Variants in GABBR2 observed in about 807,000 individuals in gnomAD.
GABBR2 encodes gamma-aminobutyric acid type B receptor subunit 2, also known as G-protein coupled receptor 51.
Under a neutral mutation model 105.6 loss-of-function variants are expected in GABBR2, and 23 were observed. That is an observed-to-expected ratio of 0.22 (90% CI 0.16 to 0.31). The LOEUF (loss-of-function observed/expected upper bound fraction) is 0.31, where lower values mean the gene tolerates loss of function less well. Ranked by LOEUF, GABBR2 falls within the 10% of genes least tolerant of loss-of-function variation. GABBR2 has a pLI of 1.00. For synonymous variants in GABBR2, 478 were observed against 499.7 expected, an observed-to-expected ratio of 0.96 and a Z score of 0.58; for missense variants, 734 against 1,245.5, an observed-to-expected ratio of 0.59 and a Z score of 6.18.
chr9:98,702,693 T>C (rs1006031544), intron 1 of GABBR2, among the ~76,000 whole-genome samples: 7 of 152,216 alleles, frequency 4.6e-5, no homozygotes, highest in Admixed American at 3.3e-4. Flanking sequence ...CAATGTCCAT[T>C]TCCCAGAGCC....
intron 1 of GABBR2, among the ~76,000 whole-genome samples, chr9:98,605,626 C>T (rs966628412): frequency 6.6e-6 from 1 of 152,120 alleles, no homozygotes; most frequent in African/African-American, 2.4e-5. Flanking sequence ...TCTAGGATAC[C>T]CTGCACATTC....
intron 12 of GABBR2, among the ~76,000 whole-genome samples, chr9:98,365,215 G>A (rs778600742): frequency 6.6e-6 from 1 of 152,202 alleles, no homozygotes; most frequent in Non-Finnish European, 1.5e-5. Flanking sequence ...TTTAAAGTGT[G>A]GTCAGTGATC....
intron 8 of GABBR2, among the ~76,000 whole-genome samples, chr9:98,394,705 C>T (rs1167597570): frequency 6.6e-6 from 1 of 152,212 alleles, no homozygotes; most frequent in Non-Finnish European, 1.5e-5. Flanking sequence ...CCCCCCAACT[C>T]CTCTTTACAG....
chr9:98,591,601 C>T (rs929850557), intron 1 of GABBR2, among the ~76,000 whole-genome samples: 1 of 152,152 alleles, frequency 6.6e-6, no homozygotes. Flanking sequence ...TGGCAAGCAA[C>T]TTGGCCTAGC....
At chr9:98,442,544 C>T (rs1435897539) in intron 7 of GABBR2, among the ~76,000 whole-genome samples, 13 of 152,334 alleles carry the variant, frequency 8.5e-5, no homozygotes, top group African/African-American at 3.1e-4. Context: ...GGTTAAATTA[C>T]TTAATCCTCT....
intron 1 of GABBR2, among the ~76,000 whole-genome samples, chr9:98,702,156 C>T (rs1039255881): frequency 1.3e-5 from 2 of 152,084 alleles, no homozygotes; most frequent in African/African-American, 4.8e-5. Flanking sequence ...GGTCTCCTGA[C>T]CCTAGGGCCA....
chr9:98,361,632 G>A (rs625500), intron 13 of GABBR2, among the ~76,000 whole-genome samples: 40,359 of 152,046 alleles, frequency 0.27, 5,718 homozygotes, highest in African/African-American at 0.35. Context: ...CTGTCTGCTC[G>A]AGTGGACTCA....
chr9:98,692,681 G>A (rs1305417738), intron 1 of GABBR2, among the ~76,000 whole-genome samples: 3 of 152,188 alleles, frequency 2.0e-5, no homozygotes, highest in South Asian at 2.1e-4. Flanking sequence ...ACTTAGACTC[G>A]CTGCCTCACA....
chr9:98,319,881 T>C (rs1830788660), intron 13 of GABBR2, among the ~76,000 whole-genome samples: 1 of 152,108 alleles, frequency 6.6e-6, no homozygotes, highest in Non-Finnish European at 1.5e-5. Context: ...AATTCAGTAA[T>C]CTTACTAGGC....
chr9:98,342,599 C>T (rs1171137313), intron 13 of GABBR2, among the ~76,000 whole-genome samples: 1 of 152,198 alleles, frequency 6.6e-6, no homozygotes, highest in African/African-American at 2.4e-5. Context: ...TTCCACTGCC[C>T]TGCCTGGACC....
intron 1 of GABBR2, among the ~76,000 whole-genome samples, chr9:98,637,506 T>C (rs1236106778): frequency 6.6e-6 from 1 of 152,184 alleles, no homozygotes; most frequent in African/African-American, 2.4e-5. Flanking sequence ...AAATTAAGGT[T>C]GCTAATCAGC....
chr9:98,444,240 A>C (rs1407946497), intron 7 of GABBR2, among the ~76,000 whole-genome samples: 1 of 152,220 alleles, frequency 6.6e-6, no homozygotes, highest in Non-Finnish European at 1.5e-5. Flanking sequence ...ACAATAAATA[A>C]GTAAAATATG....
chr9:98,564,693 TCA>T (rs1046979914), intron 2 of GABBR2, among the ~76,000 whole-genome samples: 1 of 152,216 alleles, frequency 6.6e-6, no homozygotes, highest in African/African-American at 2.4e-5. Context: ...GTGTGTCCAG[TCA>T]CAATTCCTGA....
At chr9:98,608,082 C>T (rs1180146989) in intron 1 of GABBR2, 11 of 1,308,002 alleles carry the variant, frequency 8.4e-6, no homozygotes, top group South Asian at 7.5e-5. Context: ...TTTAGAACAA[C>T]GAACTCTTCG....
chr9:98,444,908 A>G (rs1393107381), intron 7 of GABBR2, among the ~76,000 whole-genome samples: 2 of 150,812 alleles, frequency 1.3e-5, no homozygotes, highest in African/African-American at 4.8e-5. Flanking sequence ...CACGCACGTG[A>G]CCTTGTGTGA....
intron 10 of GABBR2, among the ~76,000 whole-genome samples, chr9:98,387,944 G>A (rs1832104782): frequency 1.3e-5 from 2 of 152,154 alleles, no homozygotes; most frequent in Admixed American, 1.3e-4. Flanking sequence ...GACAGCCCAC[G>A]AGTTCATGCA....
At chr9:98,527,079 TTAATAATATATAA>T (rs1827976115) in intron 3 of GABBR2, among the ~76,000 whole-genome samples, 1 of 148,164 alleles carries the variant, frequency 6.7e-6, no homozygotes, top group Non-Finnish European at 1.5e-5. Flanking sequence ...TATTCATATG[TTAATAATATATAA>T]TAATAATATA....
intron 2 of GABBR2, among the ~76,000 whole-genome samples, chr9:98,562,973 G>C (rs1024165815): frequency 6.6e-6 from 1 of 150,420 alleles, no homozygotes. Context: ...GGGGGGCTGA[G>C]GGGGGAGGAT....
At chr9:98,384,241 G>A (rs751115802) in intron 11 of GABBR2, among the ~76,000 whole-genome samples, 2 of 152,108 alleles carry the variant, frequency 1.3e-5, no homozygotes, top group Non-Finnish European at 2.9e-5. Context: ...CATCCCAACT[G>A]ATTACTTTAT....
Sources: allele counts gnomAD v4.1 joint callset (sites outside exome capture counted in the v4.1 genomes callset), GRCh38; gene constraint gnomAD v4.1.1; transcripts MANE v1.5; gene names NCBI Gene and HGNC (gene_info 2026-07-23, HGNC 2026-07-21).